The following CALN1 variants were observed in gnomAD, a reference collection of about 807,000 sequenced individuals.
CALN1 encodes calcium-binding protein 8.
In CALN1, 17 loss-of-function variants were observed where a neutral mutation model predicts 30.6. That is an observed-to-expected ratio of 0.56 (90% CI 0.38 to 0.83). CALN1 has a LOEUF of 0.83. CALN1 is among the 40% of genes least tolerant of loss of function. The probability of loss-of-function intolerance (pLI) is 0.00; values close to 1 mark genes in which losing one functional copy is unlikely to be tolerated. For missense variants in CALN1, 291 were observed against 354.9 expected, an observed-to-expected ratio of 0.82 and a Z score of 1.45; for synonymous variants, 156 against 131.4, an observed-to-expected ratio of 1.19 and a Z score of -1.28.
chr7:72,203,972 CCT>C lies in CALN1; in HGVS notation c.244+74712_244+74713del, dbSNP rs1292695799. ...CCATGCATAGCCTTCATATAAGAGG[CCT>C]CTCTCTTTTTTTTTTTTTTTTTTTT... On this transcript the variant is annotated intron_variant, in intron 3 of 6. Transcript: ENST00000395275. 1.5e-3 allele frequency among the ~76,000 whole-genome samples: 197 copies of C among 132,762 alleles called. 1 individual carries two copies. The highest frequency in any genetic ancestry group is 5.5e-3 in the African/African-American group (178 of 32,206). 87.1% of individuals were successfully genotyped at this position (132,762 alleles called of 152,430 possible). A position where few individuals can be genotyped will look rare whatever the true frequency, so the allele number is the denominator to read the frequency against.
At position 72,078,952 on chromosome 7, in the gene CALN1, C is replaced by T. The variant is rs574408777; in HGVS notation, c.388+27199G>A. On this transcript the variant is annotated intron_variant, in intron 4 of 6. Transcript: ENST00000395275. ...TCAAAAAACAAAACAAACAAACAAA[C>T]AAAAAACAGCCAGGGAGACAAAGAT... is the stretch of plus-strand genomic sequence containing the variant. 5.3e-5 allele frequency among the ~76,000 whole-genome samples: 8 copies of T among 152,146 alleles called. No homozygotes were observed. The East Asian group carries it at 1.5e-3, about 29-fold the overall frequency.
In CALN1 at chr7:71,860,052, C is replaced by G. The variant is rs546074001; in HGVS notation, c.502-49560G>C. On this transcript the variant is annotated intron_variant, in intron 5 of 6. Transcript: ENST00000395275. ...AAATATAGTAATTAAGAAAATTAAC[C>G]CTTTATCACAAACCCTTGTAGTAGA... 1.7e-4 allele frequency among the ~76,000 whole-genome samples: 26 copies of G among 152,142 alleles called. No individual in the cohort carries two copies. The South Asian group carries it at 3.1e-3, about 18-fold the overall frequency.
chr7:72,144,225 A>G (rs1010363441), intron 3 of CALN1, among the ~76,000 whole-genome samples: 2 of 152,202 alleles, frequency 1.3e-5, no homozygotes, highest in Non-Finnish European at 2.9e-5. Flanking sequence ...TGTATTCAGG[A>G]AACCCATCTC....
At chr7:72,263,333 G>A (rs1796394763) in intron 3 of CALN1, among the ~76,000 whole-genome samples, 1 of 152,148 alleles carries the variant, frequency 6.6e-6, no homozygotes, top group South Asian at 2.1e-4. Context: ...ATCAAAACTT[G>A]TGGGGTGGTG....
chr7:72,348,223 T>G (rs989904823), intron 2 of CALN1, among the ~76,000 whole-genome samples: 3 of 152,336 alleles, frequency 2.0e-5, no homozygotes, highest in Admixed American at 1.3e-4. Context: ...TAAACAAATG[T>G]ACAAATTAAG....
intron 3 of CALN1, among the ~76,000 whole-genome samples, chr7:72,189,765 C>T (rs1366836559): frequency 2.5e-5 from 2 of 78,960 alleles, no homozygotes; most frequent in Non-Finnish European, 6.2e-5. Flanking sequence ...CAGACTTTGT[C>T]TCAAAAAAAA....
chr7:72,352,982 A>G (rs1478871735), intron 2 of CALN1, among the ~76,000 whole-genome samples: 1 of 152,216 alleles, frequency 6.6e-6, no homozygotes, highest in Non-Finnish European at 1.5e-5. Flanking sequence ...AAAAATGGAC[A>G]ATTTAAACAA....
intron 5 of CALN1, among the ~76,000 whole-genome samples, chr7:71,881,707 A>G (rs900533612): frequency 1.3e-5 from 2 of 152,094 alleles, no homozygotes; most frequent in African/African-American, 4.8e-5. Context: ...CCTTTGTATC[A>G]GGGTCCCAGT....
At chr7:72,504,249 C>T in the CALN1 span, among the ~76,000 whole-genome samples, 5 of 152,144 alleles carry the variant, frequency 3.3e-5, no homozygotes, top group African/African-American at 7.2e-5. Context: ...ACCCTCTCCC[C>T]GGTGAGTCTA....
intron 3 of CALN1, among the ~76,000 whole-genome samples, chr7:72,234,135 T>G (rs1313576861): frequency 6.6e-6 from 1 of 152,218 alleles, no homozygotes; most frequent in Non-Finnish European, 1.5e-5. Context: ...GAGTTTGCCA[T>G]GGACAGTTTC....
intron 3 of CALN1, among the ~76,000 whole-genome samples, chr7:72,160,106 C>T (rs1461595617): frequency 6.6e-6 from 1 of 152,098 alleles, no homozygotes; most frequent in East Asian, 1.9e-4. Context: ...TGTGGGTCTG[C>T]ACACTAAGTT....
At chr7:71,876,266 G>C (rs984048553) in intron 5 of CALN1, among the ~76,000 whole-genome samples, 12 of 152,172 alleles carry the variant, frequency 7.9e-5, no homozygotes, top group African/African-American at 2.7e-4. Flanking sequence ...CACTGGGTTA[G>C]TTCTCGTGGG....
chr7:72,218,941 G>C (rs1407539188), intron 3 of CALN1, among the ~76,000 whole-genome samples: 1 of 152,190 alleles, frequency 6.6e-6, no homozygotes, highest in Non-Finnish European at 1.5e-5. Context: ...GGGTAGGAGA[G>C]ATGCAAATTG....
At chr7:71,914,307 T>C (rs775888761) in intron 5 of CALN1, among the ~76,000 whole-genome samples, 18 of 152,184 alleles carry the variant, frequency 1.2e-4, no homozygotes, top group Non-Finnish European at 2.5e-4. Context: ...ATGCAGTATT[T>C]GGTTTTCTGT....
intron 1 of CALN1, among the ~76,000 whole-genome samples, chr7:72,431,665 A>G (rs1180547866): frequency 6.6e-6 from 1 of 152,142 alleles, no homozygotes; most frequent in Non-Finnish European, 1.5e-5. Context: ...ACAGTGAGAG[A>G]GACCTCGTCT....
At chr7:71,912,636 C>T (rs1584497298) in intron 5 of CALN1, among the ~76,000 whole-genome samples, 2 of 152,132 alleles carry the variant, frequency 1.3e-5, no homozygotes, top group African/African-American at 4.8e-5. Flanking sequence ...ACTGAGTTCC[C>T]GCTGAACTTG....
chr7:72,029,037 TTGTCTC>T (rs780947930), intron 4 of CALN1, among the ~76,000 whole-genome samples: 50 of 152,302 alleles, frequency 3.3e-4, no homozygotes, highest in Non-Finnish European at 6.6e-4. Flanking sequence ...ATAGAAATCT[TTGTCTC>T]TGTTTCCTGG....
chr7:72,055,437 G>C (rs1404472603), intron 4 of CALN1, among the ~76,000 whole-genome samples: 1 of 152,104 alleles, frequency 6.6e-6, no homozygotes, highest in African/African-American at 2.4e-5. Flanking sequence ...GGTAATGATA[G>C]AATTAGGGGA....
chr7:72,236,082 A>T (rs1256166117), intron 3 of CALN1, among the ~76,000 whole-genome samples: 15 of 147,776 alleles, frequency 1.0e-4, no homozygotes, highest in African/African-American at 3.7e-4. Flanking sequence ...TTCTCCACAA[A>T]AAAAAAAAAA....
Sources: allele counts gnomAD v4.1 joint callset (sites outside exome capture counted in the v4.1 genomes callset), GRCh38; gene constraint gnomAD v4.1.1; transcripts MANE v1.5; gene names NCBI Gene and HGNC (gene_info 2026-07-23, HGNC 2026-07-21).